The following ZNF804B variants were observed in gnomAD, a reference collection of about 807,000 sequenced individuals.
ZNF804B encodes zinc finger 804B.
A neutral mutation model predicts 101.4 loss-of-function variants in ZNF804B; 80 were observed. The ratio of observed to expected loss-of-function variants is 0.79; its 90% CI spans 0.66 to 0.95. ZNF804B has a LOEUF of 0.95. Among genes scored for constraint, ZNF804B ranks in the 40% least tolerant of loss-of-function variants. The probability of loss-of-function intolerance (pLI) is 0.00; values close to 1 mark genes in which losing one functional copy is unlikely to be tolerated. For missense variants in ZNF804B, 1,673 were observed against 1,561.9 expected, an observed-to-expected ratio of 1.07 and a Z score of -1.20; for synonymous variants, 622 against 558.8, an observed-to-expected ratio of 1.11 and a Z score of -1.59.
intron 1 of ZNF804B, among the ~76,000 whole-genome samples, chr7:89,087,412 G>A (rs1260498864): frequency 3.3e-5 from 5 of 151,804 alleles, no homozygotes; most frequent in Admixed American, 2.6e-4. Context: ...TCCCAGAAGT[G>A]ACCTCAAATC....
chr7:89,298,901 C>T (rs959963754), intron 2 of ZNF804B, among the ~76,000 whole-genome samples: 8 of 151,050 alleles, frequency 5.3e-5, no homozygotes, highest in East Asian at 1.9e-4. Context: ...CAAAATGGAT[C>T]GATGTGAAAA....
At chr7:88,923,680 G>C (rs1394511961) in intron 1 of ZNF804B, among the ~76,000 whole-genome samples, 1 of 151,884 alleles carries the variant, frequency 6.6e-6, no homozygotes, top group African/African-American at 2.4e-5. Context: ...GATTAATTCT[G>C]TCATCTTTCT....
intron 2 of ZNF804B, among the ~76,000 whole-genome samples, chr7:89,231,909 G>A (rs925545038): frequency 6.6e-6 from 1 of 151,946 alleles, no homozygotes; most frequent in Non-Finnish European, 1.5e-5. Flanking sequence ...TTCTTTTTGA[G>A]CTATATGCCT....
At chr7:89,047,423 T>C (rs1789126962) in intron 1 of ZNF804B, among the ~76,000 whole-genome samples, 1 of 152,154 alleles carries the variant, frequency 6.6e-6, no homozygotes, top group Non-Finnish European at 1.5e-5. Flanking sequence ...ATTTGTTACA[T>C]ATTATCAACT....
At chr7:88,941,023 C>A (rs1367091477) in intron 1 of ZNF804B, among the ~76,000 whole-genome samples, 1 of 151,690 alleles carries the variant, frequency 6.6e-6, no homozygotes, top group African/African-American at 2.4e-5. Flanking sequence ...TGAAAAGATG[C>A]TTAACATCAT....
At chr7:89,325,667 G>A (rs911692343) in intron 2 of ZNF804B, among the ~76,000 whole-genome samples, 1 of 151,902 alleles carries the variant, frequency 6.6e-6, no homozygotes, top group African/African-American at 2.4e-5. Flanking sequence ...AATGAGTCAA[G>A]TGTCAATTGT....
At chr7:88,997,496 T>C (rs1325435714) in intron 1 of ZNF804B, among the ~76,000 whole-genome samples, 1 of 152,126 alleles carries the variant, frequency 6.6e-6, no homozygotes, top group Non-Finnish European at 1.5e-5. Flanking sequence ...CTATTGGATA[T>C]TAACTGAAGT....
chr7:89,168,583 G>C (rs11970923), intron 1 of ZNF804B, among the ~76,000 whole-genome samples: 2,728 of 150,312 alleles, frequency 0.018, 95 homozygotes, highest in African/African-American at 0.063. Flanking sequence ...TTAGTAAAAA[G>C]TAACCCCTTA....
chr7:88,946,641 C>T (rs1793134844), intron 1 of ZNF804B, among the ~76,000 whole-genome samples: 1 of 150,222 alleles, frequency 6.7e-6, no homozygotes, highest in South Asian at 2.1e-4. Context: ...AGGAGTCCCT[C>T]TTTTTCTATT....
intron 1 of ZNF804B, among the ~76,000 whole-genome samples, chr7:88,847,932 A>G (rs747788817): frequency 6.6e-6 from 1 of 152,194 alleles, no homozygotes; most frequent in Non-Finnish European, 1.5e-5. Context: ...AGGAGGAACC[A>G]TGTTGAAAAA....
intron 1 of ZNF804B, among the ~76,000 whole-genome samples, chr7:89,193,419 G>A (rs370108826): frequency 9.5e-4 from 143 of 151,104 alleles, no homozygotes; most frequent in South Asian, 5.2e-3. Flanking sequence ...CCATTAACTC[G>A]TCATTTAGCA....
intron 1 of ZNF804B, among the ~76,000 whole-genome samples, chr7:88,853,595 A>C (rs981439766): frequency 2.0e-5 from 3 of 152,116 alleles, no homozygotes; most frequent in Non-Finnish European, 4.4e-5. Flanking sequence ...AAAATGCTTA[A>C]CTTTAAATAT....
intron 2 of ZNF804B, among the ~76,000 whole-genome samples, chr7:89,255,604 C>T (rs1789617418): frequency 6.6e-6 from 1 of 151,938 alleles, no homozygotes; most frequent in Non-Finnish European, 1.5e-5. Context: ...ATACTGTACA[C>T]AAATAAATAT....
intron 1 of ZNF804B, among the ~76,000 whole-genome samples, chr7:89,168,959 G>C (rs1562903663): frequency 6.6e-6 from 1 of 152,070 alleles, no homozygotes; most frequent in Non-Finnish European, 1.5e-5. Context: ...CAGATTCCAA[G>C]GAATGGAACC....
chr7:89,323,348 C>A (rs1021607809), intron 2 of ZNF804B, among the ~76,000 whole-genome samples: 1 of 152,170 alleles, frequency 6.6e-6, no homozygotes, highest in African/African-American at 2.4e-5. Flanking sequence ...AGACCAATAT[C>A]ACACATGAAC....
chr7:89,004,480 G>T (rs978110399), intron 1 of ZNF804B, among the ~76,000 whole-genome samples: 4 of 151,308 alleles, frequency 2.6e-5, no homozygotes, highest in South Asian at 2.1e-4. Flanking sequence ...AGTTTCTGGG[G>T]TTTTTTTTGT....
intron 1 of ZNF804B, among the ~76,000 whole-genome samples, chr7:89,106,619 A>T (rs1254761179): frequency 6.6e-6 from 1 of 152,150 alleles, no homozygotes; most frequent in Non-Finnish European, 1.5e-5. Flanking sequence ...CCATTCTTTA[A>T]GAAAGTCCCT....
chr7:89,102,534 T>C (rs950180446), intron 1 of ZNF804B, among the ~76,000 whole-genome samples: 3 of 152,018 alleles, frequency 2.0e-5, no homozygotes, highest in Non-Finnish European at 4.4e-5. Flanking sequence ...AATGGGGTTG[T>C]TTGTTGCATC....
intron 1 of ZNF804B, among the ~76,000 whole-genome samples, chr7:88,945,566 T>C (rs1793116038): frequency 6.8e-6 from 1 of 147,532 alleles, no homozygotes; most frequent in Non-Finnish European, 1.5e-5. Context: ...TTGCCTTGGC[T>C]ATATGGGCTC....
Sources: allele counts gnomAD v4.1 joint callset (sites outside exome capture counted in the v4.1 genomes callset), GRCh38; gene constraint gnomAD v4.1.1; transcripts MANE v1.5; gene names NCBI Gene and HGNC (gene_info 2026-07-23, HGNC 2026-07-21).